DAP: variants seen among roughly 807,000 people sequenced by gnomAD.
DAP encodes death associated protein.
In DAP, 8 loss-of-function variants were observed where a neutral mutation model predicts 13.8. The ratio of observed to expected loss-of-function variants is 0.58; its 90% CI spans 0.34 to 1.05. The LOEUF (loss-of-function observed/expected upper bound fraction) is 1.05, where lower values mean the gene tolerates loss of function less well. Ranked by LOEUF, DAP falls within the 50% of genes least tolerant of loss-of-function variation. The probability of loss-of-function intolerance (pLI) is 0.03; values close to 1 mark genes in which losing one functional copy is unlikely to be tolerated. For missense variants in DAP, 106 were observed against 133.2 expected (o/e 0.80, Z 1.01); for synonymous variants, 47 against 47.5 (o/e 0.99, Z 0.04).
chr5:10,725,817 T>C (rs1378037669), intron 2 of DAP, among the ~76,000 whole-genome samples: 1 of 152,246 alleles, frequency 6.6e-6, no homozygotes, highest in Non-Finnish European at 1.5e-5. Context: ...TATTTGTCAG[T>C]TACTTTGGTA....
In DAP at chr5:10,748,264, A is replaced by T. The variant is rs1255933140; in HGVS notation, c.63T>A (p.Ala21=). 1.2e-6 allele frequency: 2 copies of T among 1,613,646 alleles called. No homozygotes were observed. Among genetic ancestry groups the T allele is most frequent in the Non-Finnish European group, 1.7e-6 (2 of 1,179,566 alleles). Residue 21 remains alanine (A), a synonymous_variant, in exon 2 of 4, where the codon GCT becomes GCA. Coordinates refer to ENST00000230895, the MANE Select transcript of DAP (RefSeq NM_004394.3). The stretch of plus-strand genomic sequence containing the variant: ...GTTTCTGCACAATTCGCATTCCACC[A>T]GCTTTCACTGAAATGAAAACAGAGA... The part of the protein sequence containing the change: ...TKAGHPPAVK[A]GGMRIVQKHP...
intron 2 of DAP, among the ~76,000 whole-genome samples, chr5:10,685,474 A>G (rs904324030): frequency 6.6e-6 from 1 of 152,130 alleles, no homozygotes; most frequent in African/African-American, 2.4e-5. Flanking sequence ...GTTTGCATCC[A>G]AAGCTCAGGA....
chr5:10,686,600 A>T (rs539621642), intron 2 of DAP, among the ~76,000 whole-genome samples: 1 of 152,220 alleles, frequency 6.6e-6, no homozygotes, highest in Non-Finnish European at 1.5e-5. Context: ...GCCAAAGTCT[A>T]ATCTAGAGAA....
In DAP at chr5:10,760,907, G is replaced by A. The variant is rs868793253; in HGVS notation, c.55+107C>T. The A allele has an allele frequency of 1.5e-4, 108 of 722,668 alleles. No homozygotes were observed. The African/African-American group carries it at 1.8e-3, about 12-fold the overall frequency. 44.8% of individuals were successfully genotyped at this position (722,668 alleles called of 1,614,324 possible). Reference sequence around the variant, plus strand: ...GGGCGGGCATCAAGGCCCGGAACCCGTCTCAGCGCTCGCCGGGGCCCTCCC... The same window carrying A: ...GGGCGGGCATCAAGGCCCGGAACCCATCTCAGCGCTCGCCGGGGCCCTCCC... On this transcript the variant is annotated intron_variant, in intron 1 of 3. Coordinates refer to ENST00000230895, the MANE Select transcript of DAP (RefSeq NM_004394.3).
intron 2 of DAP, among the ~76,000 whole-genome samples, chr5:10,725,101 C>T (rs58599330): frequency 0.016 from 2,392 of 152,314 alleles, 77 homozygotes; most frequent in African/African-American, 0.055. Flanking sequence ...ACAAACCTTC[C>T]ATTCTTCAGC....
At chr5:10,700,848 G>C (rs1440459140) in intron 2 of DAP, among the ~76,000 whole-genome samples, 1 of 152,218 alleles carries the variant, frequency 6.6e-6, no homozygotes, top group Admixed American at 6.5e-5. Flanking sequence ...CGTGCTATAG[G>C]TAAGATGGCC....
intron 1 of DAP, among the ~76,000 whole-genome samples, chr5:10,752,206 G>A (rs369966542): frequency 2.0e-5 from 3 of 152,322 alleles, no homozygotes; most frequent in African/African-American, 7.2e-5. Flanking sequence ...ATTAGCACTT[G>A]CATTTAATTT....
At chr5:10,732,038 G>T (rs955369909) in intron 2 of DAP, among the ~76,000 whole-genome samples, 16 of 152,326 alleles carry the variant, frequency 1.1e-4, no homozygotes, top group African/African-American at 3.1e-4. Context: ...ACCCTGAAGA[G>T]TCCTGATGTC....
intron 2 of DAP, among the ~76,000 whole-genome samples, chr5:10,693,126 A>G (rs1184195065): frequency 4.4e-5 from 2 of 45,360 alleles, no homozygotes; most frequent in African/African-American, 1.7e-4. Context: ...ATGCACACGC[A>G]CACACACACA....
rs144184361 is a variant in DAP at position 10,737,976 on chromosome 5, A to G, written c.152+10199T>C. On this transcript the variant is annotated intron_variant, in intron 2 of 3. Transcript: ENST00000230895. ...GTAGAGACACAGGGAGAAACCATGT[A>G]AAGGCACAGGACTGGAGTGATGCAT... is the stretch of plus-strand genomic sequence containing the variant. 4.6e-5 allele frequency among the ~76,000 whole-genome samples: 7 copies of G among 152,370 alleles called. 1 individual carries two copies. The highest frequency in any genetic ancestry group is 1.4e-4 in the African/African-American group (6 of 41,594).
chr5:10,730,574 G>A (rs1391755120), intron 2 of DAP, among the ~76,000 whole-genome samples: 8 of 110,260 alleles, frequency 7.3e-5, no homozygotes, highest in African/African-American at 2.4e-4. Flanking sequence ...CTGAGAGCCC[G>A]GGTCAGGGGG....
chr5:10,729,351 C>A (rs1739378370), intron 2 of DAP, among the ~76,000 whole-genome samples: 1 of 152,216 alleles, frequency 6.6e-6, no homozygotes, highest in Non-Finnish European at 1.5e-5. Flanking sequence ...TGTATTTCTA[C>A]TCCATCATCT....
At chr5:10,754,914 C>T (rs897206940) in intron 1 of DAP, among the ~76,000 whole-genome samples, 2 of 152,078 alleles carry the variant, frequency 1.3e-5, no homozygotes, top group Admixed American at 6.5e-5. Context: ...GTCATCACGT[C>T]CCCCCACTCT....
chr5:10,738,270 A>G (rs1739664040), intron 2 of DAP, among the ~76,000 whole-genome samples: 1 of 152,282 alleles, frequency 6.6e-6, no homozygotes. Flanking sequence ...TGAAAGTAGC[A>G]GGCAAAAGTT....
intron 2 of DAP, among the ~76,000 whole-genome samples, chr5:10,713,039 GACCAACCAGCCA>G (rs77419890): frequency 0.09 from 13,675 of 151,912 alleles, 845 homozygotes; most frequent in African/African-American, 0.17. Context: ...CCAACCAGCC[GACCAACCAGCCA>G]ACCAACCAGC....
intron 2 of DAP, among the ~76,000 whole-genome samples, chr5:10,720,181 A>C (rs1739101496): frequency 6.6e-6 from 1 of 152,146 alleles, no homozygotes; most frequent in South Asian, 2.1e-4. Context: ...TGGTCTGACC[A>C]AGGAGACCAT....
intron 2 of DAP, among the ~76,000 whole-genome samples, chr5:10,696,416 A>G (rs1738441583): frequency 6.6e-6 from 1 of 152,202 alleles, no homozygotes; most frequent in Admixed American, 6.5e-5. Flanking sequence ...TAGGCGATTC[A>G]GAACCACAGA....
At position 10,680,668 on chromosome 5, in the gene DAP, C is replaced by G; in HGVS notation, c.*388G>C. On this transcript the variant is annotated 3_prime_UTR_variant, in exon 4 of 4. Transcript: ENST00000230895. Reference sequence around the variant, plus strand: ...TTATTGGCCCATACTAAAAAGCATGCAATGACTGAGGTTTTCTCCTAACCT... The same window carrying G: ...TTATTGGCCCATACTAAAAAGCATGGAATGACTGAGGTTTTCTCCTAACCT... The G allele has an allele frequency of 7.1e-7, 1 of 1,404,064 alleles. No homozygotes were observed. The highest frequency in any genetic ancestry group is 9.6e-7 in the Non-Finnish European group (1 of 1,037,836). The allele number at this position is 1,404,064 out of a possible 1,614,324, so 87.0% of individuals were successfully genotyped here. A position where few individuals can be genotyped will look rare whatever the true frequency, so the allele number is the denominator to read the frequency against.
At chr5:10,700,257 A>C (rs1287152051) in intron 2 of DAP, among the ~76,000 whole-genome samples, 1 of 152,222 alleles carries the variant, frequency 6.6e-6, no homozygotes, top group Non-Finnish European at 1.5e-5. Context: ...GGCTGGGCAG[A>C]TAAGTCCACC....
Sources: gnomAD v4.1 joint callset for allele counts (sites outside exome capture counted in the v4.1 genomes callset) on GRCh38, gnomAD v4.1.1 for gene constraint, MANE v1.5 for transcripts, NCBI Gene and HGNC (gene_info 2026-07-23, HGNC 2026-07-21) for gene names.